SNAPC4: variants seen among roughly 807,000 people sequenced by gnomAD.
The protein encoded by SNAPC4 is snRNA-activating protein complex subunit 4.
SNAPC4 carries 127 observed loss-of-function variants against 151.3 expected under a neutral mutation model. The observed-to-expected ratio is 0.84, with a 90% CI of 0.73 to 0.97. SNAPC4 has a LOEUF of 0.97. Ranked by LOEUF, SNAPC4 falls within the 50% of genes least tolerant of loss-of-function variation. The probability of loss-of-function intolerance (pLI) is 0.00; values close to 1 mark genes in which losing one functional copy is unlikely to be tolerated. For synonymous variants in SNAPC4, 1,002 were observed against 824.4 expected, an observed-to-expected ratio of 1.22 and a Z score of -3.69; for missense variants, 2,186 against 1,935.0, an observed-to-expected ratio of 1.13 and a Z score of -2.43.
chr9:136,393,882 C>A (rs1488389235), intron 7 of SNAPC4, among the ~76,000 whole-genome samples: 1 of 152,230 alleles, frequency 6.6e-6, no homozygotes, highest in Non-Finnish European at 1.5e-5. Context: ...CAAGCCCAAA[C>A]CAACCAGCCT....
chr9:136,380,742 G>A lies in SNAPC4; in HGVS notation c.2497C>T (p.Gln833Ter), dbSNP rs910224827. ...GARDPPVHLL[Q>*]ASSSAQSTPG... Reference sequence around the variant, plus strand: ...TTCTCACCCCAAGTGCCTGCTACCTGCAGAAGATGAACTGGTGGGTCCCGA... The same window carrying A: ...TTCTCACCCCAAGTGCCTGCTACCTACAGAAGATGAACTGGTGGGTCCCGA... The change falls in exon 20 of 24, where the codon CAG becomes TAG. Residue 833 changes from glutamine (Q) to a stop codon, truncating the protein, a stop_gained and splice_region_variant. Coordinates refer to ENST00000684778, the MANE Select transcript of SNAPC4 (RefSeq NM_003086.4). LOFTEE classifies it high-confidence loss of function. 30 of 1,567,840 alleles carry A rather than the reference G, an allele frequency of 1.9e-5. No individual in the cohort carries two copies. The highest frequency in any genetic ancestry group is 2.5e-5 in the Non-Finnish European group (29 of 1,139,178).
chr9:136,397,736 G>C (rs1299120498), intron 2 of SNAPC4, among the ~76,000 whole-genome samples: 2 of 146,462 alleles, frequency 1.4e-5, no homozygotes. Flanking sequence ...AGAGCACTTG[G>C]GGTGGGGAGC....
Position 136,383,213 on chromosome 9 carries a change from CG to C in SNAPC4, c.1955del (p.Pro652ArgfsTer16), listed in dbSNP as rs1425807169. On this transcript the variant is annotated frameshift_variant, in exon 16 of 24. Transcript: ENST00000684778. LOFTEE classifies it high-confidence loss of function. This position sits in a 1 kb window ranked among gnomAD's most constrained non-coding sequence, Gnocchi z 4.2. ...AQASHSADTRPAGAEKQALEG... is the reference protein window; with the variant it reads ...AQASHSADTRXAGAEKQALEG... ...CCAGGGCCTGCTTCTCTGCGCCCGC[CG>C]GGCGAGTGTCTGCTGAGTGGGAGGC... 1 of 1,554,254 alleles carries C rather than the reference CG, an allele frequency of 6.4e-7. No homozygotes were observed. Among genetic ancestry groups the C allele is most frequent in the Non-Finnish European group, 8.7e-7 (1 of 1,152,954 alleles).
chr9:136,376,048 C>T (rs189280083), intron 23 of SNAPC4, among the ~76,000 whole-genome samples: 13 of 152,306 alleles, frequency 8.5e-5, no homozygotes, highest in African/African-American at 1.2e-4. Context: ...CAGCAATGCA[C>T]GGGAACAGGG....
In SNAPC4 at chr9:136,380,220, C is replaced by T. The variant is rs540300265; in HGVS notation, c.2500-356G>A. ...AGGCAAAGGCCTGGCCTTGTTCCCC[C>T]TGCCAGTGCAGCTCCTCCTAAGGGT... On this transcript the variant is annotated intron_variant, in intron 20 of 23. Coordinates refer to ENST00000684778, the MANE Select transcript of SNAPC4 (RefSeq NM_003086.4). 2.6e-4 allele frequency among the ~76,000 whole-genome samples: 39 copies of T among 152,088 alleles called. No homozygotes were observed. The South Asian group carries it at 7.3e-3, about 28-fold the overall frequency.
At chr9:136,398,150 C>T (rs887128148) in intron 2 of SNAPC4, 149 bp downstream of exon 2, 42 of 672,340 alleles carry the variant, frequency 6.2e-5, no homozygotes, top group Non-Finnish European at 1.0e-4. Flanking sequence ...TCAAACAATG[C>T]TCTCACCTCA....
chr9:136,389,209 G>C (rs1833989271), intron 10 of SNAPC4, among the ~76,000 whole-genome samples: 1 of 152,216 alleles, frequency 6.6e-6, no homozygotes, highest in South Asian at 2.1e-4. Flanking sequence ...ATCTTCTCAA[G>C]GGGTTTTCCA....
intron 1 of SNAPC4, among the ~76,000 whole-genome samples, chr9:136,399,652 T>TC (rs1412089027): frequency 6.6e-6 from 1 of 151,036 alleles, no homozygotes; most frequent in Non-Finnish European, 1.5e-5. Context: ...CAGCAGGCGG[T>TC]CCCTCCAGCC....
At chr9:136,376,853 G>A (rs1397303722) in intron 22 of SNAPC4, among the ~76,000 whole-genome samples, 1 of 152,182 alleles carries the variant, frequency 6.6e-6, no homozygotes, top group Non-Finnish European at 1.5e-5. Context: ...CCAGGGACTT[G>A]CGAGACACAA....
In SNAPC4 at chr9:136,398,429, G is replaced by A; in HGVS notation, c.-1C>T. 1 of 1,611,938 alleles carries A rather than the reference G, an allele frequency of 6.2e-7. No homozygotes were observed. The highest frequency in any genetic ancestry group is 8.5e-7 in the Non-Finnish European group (1 of 1,178,254). On this transcript the variant is annotated 5_prime_UTR_variant, in exon 2 of 24. Coordinates refer to ENST00000684778, the MANE Select transcript of SNAPC4 (RefSeq NM_003086.4). ...TCTCTCTTTCAGCATCTACATCCATGACTCCCGCCTGCCTCCAAAACACAC... is the reference window on the plus strand; with the variant it reads ...TCTCTCTTTCAGCATCTACATCCATAACTCCCGCCTGCCTCCAAAACACAC...
Position 136,395,385 on chromosome 9 carries a change from G to A in SNAPC4, c.384C>T (p.Thr128=). The A allele has an allele frequency of 1.9e-6, 3 of 1,613,504 alleles. No individual in the cohort carries two copies. Among genetic ancestry groups the A allele is most frequent in the South Asian group, 1.1e-5 (1 of 91,082 alleles). Residue 128 remains threonine (T), a synonymous_variant, in exon 5 of 24, where the codon ACC becomes ACT. Transcript: ENST00000684778. ...GCAGGCTTTTGCCATCTTTCACCTT[G>A]GTGCCTTTGGACCCAGCCAGATCCC... ...LMRDLAGSKG[T]KVKDGKSLPP...
intron 21 of SNAPC4, among the ~76,000 whole-genome samples, 188 bp downstream of exon 21, chr9:136,379,649 C>T (rs1345857399): frequency 1.3e-5 from 2 of 152,198 alleles, no homozygotes; most frequent in Non-Finnish European, 2.9e-5. Context: ...GCAAGGGGAG[C>T]CCAGGGAGCT....
rs772599370 is a variant in SNAPC4 at position 136,378,894 on chromosome 9, T to C, written c.2933A>G (p.Asp978Gly). ...GGCTTGCATGGTGGAGAGTCTCTTG[T>C]CCTTGGCTGAAGTCCCAGCCTCCTG... is the stretch of plus-strand genomic sequence containing the variant. ...SWQEAGTSAK[D>G]KRLSTMQALP... Residue 978 changes from aspartate to glycine, a missense_variant, in exon 22 of 24, where the codon GAC becomes GGC. Coordinates refer to ENST00000684778, the MANE Select transcript of SNAPC4 (RefSeq NM_003086.4). The C allele has an allele frequency of 6.2e-7, 1 of 1,611,400 alleles. No homozygotes were observed. Among genetic ancestry groups the C allele is most frequent in the Non-Finnish European group, 8.5e-7 (1 of 1,179,618 alleles).
In SNAPC4 at chr9:136,383,423, T is replaced by A. The variant is rs578136030; in HGVS notation, c.1746A>T (p.Pro582=). The change falls in exon 16 of 24, where the codon CCA becomes CCT. Residue 582 remains proline (P), a synonymous_variant. Coordinates refer to ENST00000684778, the MANE Select transcript of SNAPC4 (RefSeq NM_003086.4). The surrounding 1 kb of genome is among the most constrained non-coding windows in gnomAD (Gnocchi z 4.2). ...GCCAGGCCCCTGCCCCTCCTCTCCA[T>A]GGCTGGCTGGTGCTCTGCCTGGCAG... The part of the protein sequence containing the change: ...WVPARQSTSQ[P]WRGGAGAWLG... 339 of 1,566,108 alleles carry A rather than the reference T, an allele frequency of 2.2e-4. 2 individuals carry two copies. The highest frequency in any genetic ancestry group is 5.4e-5 in the African/African-American group (4 of 73,832).
At chr9:136,384,531 C>T (rs1833822907) in intron 14 of SNAPC4, among the ~76,000 whole-genome samples, 189 bp downstream of exon 14, 2 of 152,186 alleles carry the variant, frequency 1.3e-5, no homozygotes, top group Admixed American at 6.5e-5. Flanking sequence ...CACCTGCAGT[C>T]CCAGCTACTT....
At position 136,376,352 on chromosome 9, in the gene SNAPC4, C is replaced by T. The variant is rs1324751269; in HGVS notation, c.*4G>A. 3.1e-6 allele frequency: 5 copies of T among 1,613,026 alleles called. No individual in the cohort carries two copies. Among genetic ancestry groups the T allele is most frequent in the Non-Finnish European group, 4.2e-6 (5 of 1,179,908 alleles). Reference sequence around the variant, plus strand: ...GGCCTCCCCACTCAGGACTCACCTGCTGCTCACACCAGCCGCCTCCGCTTC... The same window carrying T: ...GGCCTCCCCACTCAGGACTCACCTGTTGCTCACACCAGCCGCCTCCGCTTC... On this transcript the variant is annotated 3_prime_UTR_variant, in exon 23 of 24. Transcript: ENST00000684778.
intron 1 of SNAPC4, among the ~76,000 whole-genome samples, chr9:136,399,097 G>A (rs976881469): frequency 6.6e-6 from 1 of 152,352 alleles, no homozygotes; most frequent in African/African-American, 2.4e-5. Flanking sequence ...AAGTCTGAAG[G>A]GAGAAGGACG....
rs760392695 is a variant in SNAPC4 at position 136,383,563 on chromosome 9, T to TGCTCCC, written c.1605_1606insGGGAGC (p.Ser535_Ser536insGlySer). On this transcript the variant is annotated inframe_insertion, in exon 16 of 24. Transcript: ENST00000684778. The surrounding 1 kb of genome is among the most constrained non-coding windows in gnomAD (Gnocchi z 4.2). ...TCCTCGCTGCTGCTGCTGCTGCTGC[T>TGCTCCC]GCTGCTCCCTCCACTGCTGCCACTG... is the stretch of plus-strand genomic sequence containing the variant. 2 of 1,607,714 alleles carry TGCTCCC rather than the reference T, an allele frequency of 1.2e-6. No individual in the cohort carries two copies. The highest frequency in any genetic ancestry group is 1.7e-6 in the Non-Finnish European group (2 of 1,177,576).
chr9:136,392,471 C>T (rs769581222), intron 9 of SNAPC4, 51 bp downstream of exon 9: 8 of 1,574,400 alleles, frequency 5.1e-6, no homozygotes, highest in East Asian at 2.2e-5. Flanking sequence ...ACCCGGGCTA[C>T]AGGGAGCTGT....
Sources: gnomAD v4.1 joint callset for allele counts (sites outside exome capture counted in the v4.1 genomes callset) on GRCh38, gnomAD v4.1.1 for gene constraint, Gnocchi (gnomAD v3.1) non-coding constraint, MANE v1.5 for transcripts, NCBI Gene and HGNC (gene_info 2026-07-23, HGNC 2026-07-21) for gene names.